Variants in MBOAT2 observed in about 807,000 individuals in gnomAD.
MBOAT2 encodes the protein membrane bound glycerophospholipid O-acyltransferase 2, also known as membrane-bound glycerophospholipid O-acyltransferase 2.
MBOAT2 carries 28 observed loss-of-function variants against 63.4 expected under a neutral mutation model. The ratio of observed to expected loss-of-function variants is 0.44; its 90% CI spans 0.33 to 0.61. MBOAT2 has a LOEUF of 0.61. Ranked by LOEUF, MBOAT2 falls within the 20% of genes least tolerant of loss-of-function variation. MBOAT2 has a pLI of 0.03. For synonymous variants in MBOAT2, 211 were observed against 215.6 expected (o/e 0.98, Z 0.19); for missense variants, 470 against 605.8 (o/e 0.78, Z 2.35).
chr2:8,917,459 A>C (rs1666267992), intron 3 of MBOAT2, among the ~76,000 whole-genome samples: 1 of 152,244 alleles, frequency 6.6e-6, no homozygotes, highest in African/African-American at 2.4e-5. Context: ...GAAGATACAC[A>C]ATTAGTCAAA....
intron 1 of MBOAT2, among the ~76,000 whole-genome samples, chr2:8,993,333 C>G (rs752975138): frequency 1.3e-5 from 2 of 152,226 alleles, no homozygotes; most frequent in Non-Finnish European, 2.9e-5. Flanking sequence ...AGACCTGCTG[C>G]GCGGTCCTTC....
chr2:8,967,251 C>T (rs946101889), intron 1 of MBOAT2, among the ~76,000 whole-genome samples: 2 of 152,138 alleles, frequency 1.3e-5, no homozygotes, highest in Non-Finnish European at 2.9e-5. Flanking sequence ...ATTTTGTGGG[C>T]TGGTAATGTT....
chr2:8,954,022 T>G (rs1223298058), intron 2 of MBOAT2, among the ~76,000 whole-genome samples: 5 of 152,252 alleles, frequency 3.3e-5, no homozygotes, highest in Non-Finnish European at 7.3e-5. Context: ...GTTCTAGAGA[T>G]GCTGGCACTT....
In MBOAT2 at chr2:8,874,148, A is replaced by G. The variant is rs541397673; in HGVS notation, c.691-848T>C. 8.5e-5 allele frequency among the ~76,000 whole-genome samples: 13 copies of G among 152,344 alleles called. No individual in the cohort carries two copies. In the South Asian group the frequency reaches 2.7e-3, roughly 32 times the overall value. On this transcript the variant is annotated intron_variant, in intron 7 of 12. Coordinates refer to ENST00000305997, the MANE Select transcript of MBOAT2 (RefSeq NM_138799.4). ...TTTATCAATGAAGCTCCACATTTTA[A>G]CACTTTATATAATAGTGCCAGAAGA...
chr2:8,931,886 G>T (rs1197095296), intron 3 of MBOAT2, among the ~76,000 whole-genome samples: 1 of 152,176 alleles, frequency 6.6e-6, no homozygotes, highest in Non-Finnish European at 1.5e-5. Flanking sequence ...TTGAAGATCA[G>T]ATGGTTGTAG....
At chr2:8,914,209 T>C (rs1665985546) in intron 3 of MBOAT2, among the ~76,000 whole-genome samples, 1 of 152,060 alleles carries the variant, frequency 6.6e-6, no homozygotes, top group Non-Finnish European at 1.5e-5. Flanking sequence ...ACTACAAATA[T>C]GGTACAGTGT....
At chr2:8,912,139 G>A (rs1406828373) in intron 3 of MBOAT2, among the ~76,000 whole-genome samples, 1 of 151,704 alleles carries the variant, frequency 6.6e-6, no homozygotes, top group East Asian at 1.9e-4. Context: ...ACATAATACT[G>A]AATGGGGAAA....
intron 3 of MBOAT2, among the ~76,000 whole-genome samples, chr2:8,923,347 A>G (rs964182773): frequency 6.6e-6 from 1 of 152,204 alleles, no homozygotes; most frequent in Non-Finnish European, 1.5e-5. Flanking sequence ...GGTCTTTGAG[A>G]TATTTTTCAG....
intron 1 of MBOAT2, among the ~76,000 whole-genome samples, chr2:8,978,973 C>A (rs978854353): frequency 6.6e-6 from 1 of 151,928 alleles, no homozygotes; most frequent in African/African-American, 2.4e-5. Flanking sequence ...ACCTTTTTTA[C>A]AACATCAGCA....
Position 8,943,190 on chromosome 2 carries a change from T to G in MBOAT2, c.296A>C (p.His99Pro), listed in dbSNP as rs771093333. Residue 99 changes from histidine to proline, a missense_variant, in exon 3 of 13, where the codon CAC (histidine) becomes CCC (proline). Physicochemically the swap from His to Pro is moderately conservative, Grantham distance 77 (BLOSUM62 -2). Coordinates refer to ENST00000305997, the MANE Select transcript of MBOAT2 (RefSeq NM_138799.4). ...IMIIIGVENM[H>P]NYCFVFALGY... Reference sequence around the variant, plus strand: ...TGTGAACAAAGTGAATACTTACTTGTGCATGTTCTCCACTCCTATGATGAT... The same window carrying G: ...TGTGAACAAAGTGAATACTTACTTGGGCATGTTCTCCACTCCTATGATGAT... The G allele has an allele frequency of 1.7e-5, 26 of 1,541,636 alleles. No homozygotes were observed. The South Asian group carries it at 3.3e-4, about 20-fold the overall frequency.
rs1037938993 is a variant in MBOAT2 at position 8,943,398 on chromosome 2, GCTTAAAATCCTGTGGACACC to G, written c.222-154_222-135del. ...AAAAATAAGGAATGAAACTTCAGGA[GCTTAAAATCCTGTGGACACC>G]CTAAAGAGAGAGTCCCATACCACAG... On this transcript the variant is annotated intron_variant, in intron 2 of 12. Coordinates refer to ENST00000305997, the MANE Select transcript of MBOAT2 (RefSeq NM_138799.4). The G allele has an allele frequency of 2.6e-5, 13 of 493,598 alleles. No individual in the cohort carries two copies. The Admixed American group carries it at 4.2e-4, about 16-fold the overall frequency. The allele number at this position is 493,598 out of a possible 1,614,324, so 30.6% of individuals were successfully genotyped here.
chr2:8,999,437 A>G (rs1267073910), intron 1 of MBOAT2, among the ~76,000 whole-genome samples: 1 of 152,230 alleles, frequency 6.6e-6, no homozygotes, highest in Non-Finnish European at 1.5e-5. Context: ...GGAGTTAGGC[A>G]AATCGAATGT....
At chr2:8,950,520 C>G (rs138154219) in intron 2 of MBOAT2, among the ~76,000 whole-genome samples, 1 of 152,074 alleles carries the variant, frequency 6.6e-6, no homozygotes, top group Non-Finnish European at 1.5e-5. Flanking sequence ...CTCCGCCTCC[C>G]GGGTTCATGC....
chr2:9,002,426 C>T (rs1018449352), intron 1 of MBOAT2, among the ~76,000 whole-genome samples: 1 of 152,146 alleles, frequency 6.6e-6, no homozygotes, highest in Non-Finnish European at 1.5e-5. Flanking sequence ...GAAGGAATCC[C>T]GTATTGAAGT....
chr2:8,876,718 AG>A (rs1370430919), intron 7 of MBOAT2, among the ~76,000 whole-genome samples: 1 of 144,094 alleles, frequency 6.9e-6, no homozygotes, highest in Non-Finnish European at 1.5e-5. Flanking sequence ...GAAAGGGGGA[AG>A]GGGGAAGGGG....
At position 8,854,482 on chromosome 2, in the gene MBOAT2, C is replaced by T. The variant is rs1660958173; in HGVS notation, c.*4197G>A. ...AAGAACTATTAACGCCTGGATAAAA[C>T]TCCACAAAATACTAGCTTATATCTA... is the stretch of plus-strand genomic sequence containing the variant. On this transcript the variant is annotated 3_prime_UTR_variant, in exon 13 of 13. Coordinates refer to ENST00000305997, the MANE Select transcript of MBOAT2 (RefSeq NM_138799.4). The T allele has an allele frequency of 6.6e-6, 1 of 152,186 alleles. No homozygotes were observed. Among genetic ancestry groups the T allele is most frequent in the Admixed American group, 6.5e-5 (1 of 15,284 alleles). The allele number at this position is 152,186 out of a possible 1,614,324, so 9.4% of individuals were successfully genotyped here. A position where few individuals can be genotyped will look rare whatever the true frequency, so the allele number is the denominator to read the frequency against.
At chr2:8,864,613 G>A (rs973061890) in intron 9 of MBOAT2, among the ~76,000 whole-genome samples, 4 of 151,642 alleles carry the variant, frequency 2.6e-5, no homozygotes, top group African/African-American at 9.7e-5. Flanking sequence ...CTCCGCCATG[G>A]TCCTGGGTGA....
At chr2:8,942,005 A>G (rs150027270) in intron 3 of MBOAT2, among the ~76,000 whole-genome samples, 164 of 152,360 alleles carry the variant, frequency 1.1e-3, no homozygotes, top group African/African-American at 2.9e-3. Context: ...CATCAGAGGT[A>G]CAAGTTTTTT....
At chr2:8,893,271 C>A (rs527611678) in intron 4 of MBOAT2, among the ~76,000 whole-genome samples, 17 of 152,218 alleles carry the variant, frequency 1.1e-4, no homozygotes, top group African/African-American at 3.9e-4. Flanking sequence ...ACCAGGGTAA[C>A]TAACTAGGAG....
Sources: gnomAD v4.1 joint callset for allele counts (sites outside exome capture counted in the v4.1 genomes callset) on GRCh38, gnomAD v4.1.1 for gene constraint, MANE v1.5 for transcripts, NCBI Gene and HGNC (gene_info 2026-07-23, HGNC 2026-07-21) for gene names.